The following CFAP144 variants were observed in gnomAD, a reference collection of about 807,000 sequenced individuals.
The protein encoded by CFAP144 is cilia and flagella associated protein 144, also known as cilia- and flagella-associated protein 144.
chr1:43,152,499 C>T, the CFAP144 span, among the ~76,000 whole-genome samples: 1 of 152,140 alleles, frequency 6.6e-6, no homozygotes. Flanking sequence ...AGTGTGTATC[C>T]CTGTCTGCCA....
the CFAP144 span, chr1:43,148,053 C>T: frequency 6.2e-7 from 1 of 1,613,948 alleles, no homozygotes; most frequent in Non-Finnish European, 8.5e-7. Flanking sequence ...AGAAACTCTA[C>T]ACGCAGTATC....
the CFAP144 span, chr1:43,152,786 C>T: frequency 6.4e-7 from 1 of 1,550,928 alleles, no homozygotes; most frequent in South Asian, 1.2e-5. Context: ...AACCTCTGGT[C>T]CCAAAGCCTG....
At chr1:43,153,644 TAACA>T in the CFAP144 span, among the ~76,000 whole-genome samples, 3 of 150,742 alleles carry the variant, frequency 2.0e-5, no homozygotes, top group Admixed American at 1.3e-4. Flanking sequence ...TATAAATAAA[TAACA>T]TTTTTTAAAA....
the CFAP144 span, among the ~76,000 whole-genome samples, chr1:43,144,493 C>T: frequency 6.6e-6 from 1 of 152,262 alleles, no homozygotes; most frequent in East Asian, 1.9e-4. Flanking sequence ...TTCTCTTTCT[C>T]AACCCATGAC....
At chr1:43,145,727 T>C in the CFAP144 span, among the ~76,000 whole-genome samples, 9,559 of 152,274 alleles carry the variant, frequency 0.063, 668 homozygotes, top group African/African-American at 0.18. Context: ...AAGATATTTT[T>C]AGGGAACTTG....
chr1:43,148,432 T>C, the CFAP144 span, among the ~76,000 whole-genome samples: 1 of 152,222 alleles, frequency 6.6e-6, no homozygotes, highest in Non-Finnish European at 1.5e-5. Flanking sequence ...AAGGTTTTTC[T>C]TCAGGCTTCT....
chr1:43,147,801 G>A, the CFAP144 span: 27 of 1,495,256 alleles, frequency 1.8e-5, no homozygotes, highest in East Asian at 2.5e-5. Flanking sequence ...AGGGTAAGGG[G>A]CTGGCAGAGT....
At chr1:43,154,322 A>G in the CFAP144 span, among the ~76,000 whole-genome samples, 1 of 146,444 alleles carries the variant, frequency 6.8e-6, no homozygotes, top group South Asian at 2.1e-4. Context: ...AATAAAAATT[A>G]TTTATATATA....
the CFAP144 span, chr1:43,145,127 T>C: frequency 1.4e-6 from 1 of 731,284 alleles, no homozygotes; most frequent in South Asian, 1.6e-5. Context: ...TTTTTGACAG[T>C]TTGCTCCTTT....
the CFAP144 span, among the ~76,000 whole-genome samples, chr1:43,155,249 G>C: frequency 6.6e-6 from 1 of 152,330 alleles, no homozygotes; most frequent in East Asian, 1.9e-4. Context: ...TAGAAGAATA[G>C]TACAATGCAC....
chr1:43,151,728 G>A, the CFAP144 span, among the ~76,000 whole-genome samples: 1 of 152,148 alleles, frequency 6.6e-6, no homozygotes, highest in Non-Finnish European at 1.5e-5. Context: ...CCTTCCATGA[G>A]CAAAATTTGG....
the CFAP144 span, chr1:43,148,087 G>A: frequency 6.2e-7 from 1 of 1,611,408 alleles, no homozygotes; most frequent in Non-Finnish European, 8.5e-7. Flanking sequence ...CCGCAAGAGT[G>A]AGAGGCACGG....
chr1:43,148,147 C>T, the CFAP144 span: 2 of 1,553,714 alleles, frequency 1.3e-6, no homozygotes, highest in African/African-American at 1.4e-5. Flanking sequence ...AGGAGGAGCC[C>T]TCCGGGTTGC....
the CFAP144 span, among the ~76,000 whole-genome samples, chr1:43,148,378 G>T: frequency 6.6e-6 from 1 of 152,232 alleles, no homozygotes; most frequent in African/African-American, 2.4e-5. Flanking sequence ...CAGGCTGTTT[G>T]TGTTTTGTTT....
At chr1:43,150,379 A>G in the CFAP144 span, among the ~76,000 whole-genome samples, 4 of 152,328 alleles carry the variant, frequency 2.6e-5, no homozygotes, top group African/African-American at 7.2e-5. Context: ...GCACTGTCCA[A>G]GAGAATTCAT....
At chr1:43,145,488 T>A in the CFAP144 span, among the ~76,000 whole-genome samples, 2 of 151,996 alleles carry the variant, frequency 1.3e-5, no homozygotes, top group Admixed American at 6.6e-5. Flanking sequence ...TTGAGAAATG[T>A]CTCCTGCAAA....
At chr1:43,143,575 G>C in the CFAP144 span, among the ~76,000 whole-genome samples, 693 of 152,242 alleles carry the variant, frequency 4.6e-3, 10 homozygotes, top group African/African-American at 0.016. Flanking sequence ...AAAGAAAGGG[G>C]GAGGGTGCAC....
At chr1:43,149,979 C>G in the CFAP144 span, among the ~76,000 whole-genome samples, 1 of 152,132 alleles carries the variant, frequency 6.6e-6, no homozygotes, top group Non-Finnish European at 1.5e-5. Context: ...TGACGTTTCT[C>G]AAACTCCCCA....
the CFAP144 span, among the ~76,000 whole-genome samples, chr1:43,151,867 T>C: frequency 6.6e-6 from 1 of 152,078 alleles, no homozygotes; most frequent in Non-Finnish European, 1.5e-5. Context: ...GTGTTATCTG[T>C]AGTGCACTCT....
Sources: gnomAD v4.1 joint callset for allele counts (sites outside exome capture counted in the v4.1 genomes callset) on GRCh38, gnomAD v4.1.1 for gene constraint, MANE v1.5 for transcripts, NCBI Gene and HGNC (gene_info 2026-07-23, HGNC 2026-07-21) for gene names.